The following DAAM1 variants were observed in gnomAD, a reference collection of about 807,000 sequenced individuals.
The protein encoded by DAAM1 is disheveled-associated activator of morphogenesis 1.
Under a neutral mutation model 130.0 loss-of-function variants are expected in DAAM1, and 52 were observed. The ratio of observed to expected loss-of-function variants is 0.40; its 90% CI spans 0.32 to 0.50. DAAM1 has a LOEUF of 0.50. Among genes scored for constraint, DAAM1 ranks in the 20% least tolerant of loss-of-function variants. DAAM1 has a pLI of 0.61. For synonymous variants in DAAM1, 452 were observed against 444.5 expected, an observed-to-expected ratio of 1.02 and a Z score of -0.21; for missense variants, 1,134 against 1,303.8, an observed-to-expected ratio of 0.87 and a Z score of 2.01.
At chr14:59,280,535 C>CTTTTTTTTTTTTTTTTTTTTTTTTTT (rs35354608) in intron 2 of DAAM1, among the ~76,000 whole-genome samples, 1 of 90,658 alleles carries the variant, frequency 1.1e-5, no homozygotes, top group Non-Finnish European at 2.0e-5. Flanking sequence ...GCACACCTTC[C>CTTTTTTTTTTTTTTTTTTTTTTTTTT]TTTTTTTTTT....
chr14:59,210,392 C>T (rs1888392111), intron 1 of DAAM1, among the ~76,000 whole-genome samples: 1 of 152,140 alleles, frequency 6.6e-6, no homozygotes, highest in South Asian at 2.1e-4. Context: ...TCTTAAATGG[C>T]CTGTTTGCGA....
At chr14:59,355,016 G>T in intron 19 of DAAM1, 149 bp from the exon 20 acceptor site, 1 of 1,084,590 alleles carries the variant, frequency 9.2e-7, no homozygotes, top group Non-Finnish European at 1.3e-6. Context: ...TAAGCGTTTT[G>T]AAAGTGCTCT....
At chr14:59,354,210 G>T (rs575655202) in intron 19 of DAAM1, among the ~76,000 whole-genome samples, 3 of 152,112 alleles carry the variant, frequency 2.0e-5, no homozygotes, top group Admixed American at 1.3e-4. Flanking sequence ...ACAGGTGCCT[G>T]CCACCACGCC....
At chr14:59,199,815 C>T (rs1258983570) in intron 1 of DAAM1, among the ~76,000 whole-genome samples, 3 of 152,132 alleles carry the variant, frequency 2.0e-5, no homozygotes. Flanking sequence ...GGATGTTTAA[C>T]AGCATCCCTG....
chr14:59,189,103 G>A (rs1197211100), intron 1 of DAAM1, among the ~76,000 whole-genome samples: 2 of 152,198 alleles, frequency 1.3e-5, no homozygotes, highest in African/African-American at 4.8e-5. Context: ...CGAGGAGCTG[G>A]CGGGGTAACA....
intron 2 of DAAM1, among the ~76,000 whole-genome samples, chr14:59,277,858 C>G (rs1054429300): frequency 6.6e-6 from 1 of 152,148 alleles, no homozygotes; most frequent in Non-Finnish European, 1.5e-5. Context: ...TGGCTGTTAA[C>G]TCACAGATGA....
chr14:59,214,806 G>A (rs1268486145), intron 1 of DAAM1, among the ~76,000 whole-genome samples: 1 of 152,100 alleles, frequency 6.6e-6, no homozygotes, highest in Non-Finnish European at 1.5e-5. Context: ...GTCAACATTT[G>A]TGTTTAAGTA....
chr14:59,241,159 T>C (rs1046457028), intron 1 of DAAM1, among the ~76,000 whole-genome samples: 4 of 152,374 alleles, frequency 2.6e-5, no homozygotes, highest in African/African-American at 9.6e-5. Context: ...AATCATATAC[T>C]GCATTTTGTA....
chr14:59,219,352 A>G (rs1172313513), intron 1 of DAAM1, among the ~76,000 whole-genome samples: 3 of 152,134 alleles, frequency 2.0e-5, no homozygotes, highest in Non-Finnish European at 4.4e-5. Flanking sequence ...AACTTACTCT[A>G]TGATGATTAG....
Position 59,354,263 on chromosome 14 carries a change from C to CTGT in DAAM1, c.2356+299_2356+300insTGT, listed in dbSNP as rs1886392847. On this transcript the variant is annotated intron_variant, in intron 19 of 24. Transcript: ENST00000360909. ...TTTTAGTAGAGACGGGGTTTCACCACGTTAGCCAGGATGGTCTCAATCTCC... is the reference window on the plus strand; with the variant it reads ...TTTTAGTAGAGACGGGGTTTCACCACTGTGTTAGCCAGGATGGTCTCAATCTCC... Among the ~76,000 whole-genome samples the CTGT allele has an allele frequency of 3.9e-5, 6 of 152,168 alleles. No individual in the cohort carries two copies. The South Asian group carries it at 1.2e-3, about 32-fold the overall frequency.
At chr14:59,360,217 G>C (rs1886648838) in intron 21 of DAAM1, among the ~76,000 whole-genome samples, 2 of 152,092 alleles carry the variant, frequency 1.3e-5, no homozygotes, top group South Asian at 2.1e-4. Context: ...ATGTTTAAAA[G>C]CCATGAAATA....
intron 1 of DAAM1, among the ~76,000 whole-genome samples, chr14:59,213,349 C>CA (rs35496333): frequency 0.16 from 10,615 of 66,464 alleles, 409 homozygotes; most frequent in Middle Eastern, 0.21. Context: ...CACAGCTTAC[C>CA]AAAAAAAAAA....
chr14:59,292,945 T>C (rs1299855370), intron 3 of DAAM1, among the ~76,000 whole-genome samples: 1 of 152,202 alleles, frequency 6.6e-6, no homozygotes, highest in East Asian at 1.9e-4. Context: ...ACAAATATAA[T>C]ACACTGAGAA....
Position 59,206,433 on chromosome 14 carries a change from G to T in DAAM1, c.-38+17665G>T, listed in dbSNP as rs77451909. 1.1e-3 allele frequency among the ~76,000 whole-genome samples: 172 copies of T among 152,146 alleles called. 1 individual carries two copies. In the East Asian group the frequency reaches 0.024, roughly 21 times the overall value. On this transcript the variant is annotated intron_variant, in intron 1 of 24. Transcript: ENST00000360909. ...TGGGACTACAGGTGCCTGCCACCAT[G>T]CCCGGCTAATTTTTTGTATTTTTAA...
rs201033673 is a variant in DAAM1 at position 59,233,943 on chromosome 14, ATG to A, written c.-37-29493_-37-29492del. On this transcript the variant is annotated intron_variant, in intron 1 of 24. Coordinates refer to ENST00000360909, the MANE Select transcript of DAAM1 (RefSeq NM_001270520.2). ...TTTGTCGAAGATCAGATGGTTGTAG[ATG>A]TGTGGCATTATTTCTGAGGTCTCTG... Among the ~76,000 whole-genome samples the A allele has an allele frequency of 9.3e-3, 1,410 of 152,124 alleles. 12 individuals are homozygous for A. The highest frequency in any genetic ancestry group is 0.027 in the Middle Eastern group (8 of 294).
chr14:59,225,725 T>G (rs1888921330), intron 1 of DAAM1, among the ~76,000 whole-genome samples: 1 of 152,192 alleles, frequency 6.6e-6, no homozygotes, highest in African/African-American at 2.4e-5. Flanking sequence ...GCTTTAGCCC[T>G]GCTGGTACAG....
chr14:59,330,365 T>G, intron 12 of DAAM1, 136 bp from the exon 13 acceptor site: 1 of 782,816 alleles, frequency 1.3e-6, no homozygotes, highest in Non-Finnish European at 1.9e-6. Context: ...CTCCCTTTGA[T>G]GGAGAAGAGG....
chr14:59,262,025 C>G (rs1882181317), intron 1 of DAAM1, among the ~76,000 whole-genome samples: 1 of 151,594 alleles, frequency 6.6e-6, no homozygotes, highest in Non-Finnish European at 1.5e-5. Context: ...GCCCTTCCAT[C>G]TCTTGAAGGA....
chr14:59,257,582 G>T (rs1881961165), intron 1 of DAAM1, among the ~76,000 whole-genome samples: 1 of 152,320 alleles, frequency 6.6e-6, no homozygotes, highest in Admixed American at 6.5e-5. Context: ...CATTGCCGAG[G>T]ACTGATGAGT....
Sources: gnomAD v4.1 joint callset for allele counts (sites outside exome capture counted in the v4.1 genomes callset) on GRCh38, gnomAD v4.1.1 for gene constraint, MANE v1.5 for transcripts, NCBI Gene and HGNC (gene_info 2026-07-23, HGNC 2026-07-21) for gene names.